CHN1: variants seen among roughly 807,000 people sequenced by gnomAD.
CHN1 encodes chimerin 1, also known as N-chimaerin.
A neutral mutation model predicts 59.5 loss-of-function variants in CHN1; 37 were observed. That is an observed-to-expected ratio of 0.62 (90% CI 0.48 to 0.82). The LOEUF is 0.82. Among genes scored for constraint, CHN1 ranks in the 40% least tolerant of loss-of-function variants. CHN1 has a pLI of 0.00. For missense variants in CHN1, 469 were observed against 571.0 expected (o/e 0.82, Z 1.82); for synonymous variants, 206 against 200.4 (o/e 1.03, Z -0.24).
intron 7 of CHN1, among the ~76,000 whole-genome samples, chr2:174,838,807 G>A (rs1686184526): frequency 6.6e-6 from 1 of 151,994 alleles, no homozygotes; most frequent in Non-Finnish European, 1.5e-5. Flanking sequence ...CTGAGGTCAG[G>A]AGTTCAAGAC....
At chr2:175,004,223 A>G (rs1281757691) in intron 1 of CHN1, among the ~76,000 whole-genome samples, 1 of 152,244 alleles carries the variant, frequency 6.6e-6, no homozygotes, top group African/African-American at 2.4e-5. Context: ...AACAGCTTGA[A>G]GTCTTAACCA....
At chr2:174,848,587 C>A (rs1686621443) in intron 6 of CHN1, among the ~76,000 whole-genome samples, 1 of 152,038 alleles carries the variant, frequency 6.6e-6, no homozygotes, top group Non-Finnish European at 1.5e-5. Context: ...AGTGTAAATA[C>A]TTTAATCTCA....
chr2:174,868,419 G>A (rs950326712), intron 6 of CHN1, among the ~76,000 whole-genome samples: 9 of 152,082 alleles, frequency 5.9e-5, no homozygotes, highest in Non-Finnish European at 1.3e-4. Context: ...TCTAAAGATA[G>A]GTCACAAGAA....
At chr2:174,846,600 A>C (rs1686523532) in intron 7 of CHN1, among the ~76,000 whole-genome samples, 2 of 152,236 alleles carry the variant, frequency 1.3e-5, no homozygotes, top group African/African-American at 4.8e-5. Context: ...CAAAATCATC[A>C]TTAACTGAGA....
At chr2:174,974,270 T>C (rs146604023) in intron 1 of CHN1, among the ~76,000 whole-genome samples, 4 of 152,310 alleles carry the variant, frequency 2.6e-5, no homozygotes, top group Admixed American at 1.3e-4. Context: ...GCAGACTGAG[T>C]GATTTATGTC....
chr2:174,995,672 C>T (rs1002291205), intron 1 of CHN1, among the ~76,000 whole-genome samples: 2 of 152,210 alleles, frequency 1.3e-5, no homozygotes, highest in African/African-American at 4.8e-5. Context: ...GTCTGCTGCT[C>T]ACCTGCTGTG....
At chr2:174,969,068 C>T (rs755638295) in intron 1 of CHN1, among the ~76,000 whole-genome samples, 30 of 152,234 alleles carry the variant, frequency 2.0e-4, no homozygotes, top group Non-Finnish European at 4.0e-4. Context: ...GTGAAATGTA[C>T]TACCTTTCTA....
At chr2:174,899,948 T>A (rs1055907733) in intron 5 of CHN1, among the ~76,000 whole-genome samples, 1 of 152,228 alleles carries the variant, frequency 6.6e-6, no homozygotes, top group Non-Finnish European at 1.5e-5. Flanking sequence ...TCAGTTTTTA[T>A]GTGTATATGT....
rs557037942 is a variant in CHN1, at chr2:174,899,526, T to G, written c.260+15532A>C. Among the ~76,000 whole-genome samples the G allele has an allele frequency of 2.0e-5, 3 of 152,292 alleles. No individual in the cohort carries two copies. In the South Asian group the frequency reaches 6.2e-4, roughly 32 times the overall value. ...GTATCACCAACAAGCTAAACATTGG[T>G]TTTAAATTTTTCAGTGGTTACCTTT... is the stretch of plus-strand genomic sequence containing the variant. On this transcript the variant is annotated intron_variant, in intron 5 of 12. Transcript: ENST00000409900.
In CHN1 at chr2:174,955,219, C is replaced by A. The variant is rs13014357; in HGVS notation, c.20-3017G>T. Among the ~76,000 whole-genome samples the A allele has an allele frequency of 5.7e-3, 235 of 41,114 alleles. 3 individuals carry two copies. The highest frequency in any genetic ancestry group is 0.051 in the East Asian group (121 of 2,394). The allele number at this position is 41,114 out of a possible 152,430, so 27.0% of individuals were successfully genotyped here. ...ATATATAATTGATATATATATATAT[C>A]TATATAGATATAGATATATAGAGAT... On this transcript the variant is annotated intron_variant, in intron 1 of 12. Coordinates refer to ENST00000409900, the MANE Select transcript of CHN1 (RefSeq NM_001822.7).
intron 3 of CHN1, 37 bp from the exon 4 acceptor site, chr2:174,918,602 A>T (rs1473688619): frequency 1.3e-6 from 2 of 1,537,164 alleles, no homozygotes; most frequent in Admixed American, 1.9e-5. Flanking sequence ...TATTTGTAAA[A>T]ATGCAAATGT....
Position 174,984,444 on chromosome 2 carries a change from T to C in CHN1, c.19+20450A>G, listed in dbSNP as rs575323213. ...AGTGCAGTGGCGCGATCCTGGCTCA[T>C]TGCAACCTCTGCCTCTCCGGTTGAA... On this transcript the variant is annotated intron_variant, in intron 1 of 12. Coordinates refer to ENST00000409900, the MANE Select transcript of CHN1 (RefSeq NM_001822.7). Among the ~76,000 whole-genome samples, 22 of 150,732 alleles carry C rather than the reference T, an allele frequency of 1.5e-4. No homozygotes were observed. In the South Asian group the frequency reaches 4.4e-3, roughly 30 times the overall value.
intron 1 of CHN1, among the ~76,000 whole-genome samples, chr2:174,963,562 A>G (rs1241080852): frequency 6.6e-6 from 1 of 152,228 alleles, no homozygotes; most frequent in Non-Finnish European, 1.5e-5. Context: ...AACAATGCAG[A>G]GTGGCTGAAA....
At chr2:174,920,962 A>G (rs528357887) in intron 3 of CHN1, 4 of 433,482 alleles carry the variant, frequency 9.2e-6, no homozygotes, top group Admixed American at 4.7e-5. Flanking sequence ...TTGGATTCTC[A>G]TAAGGGGCAT....
chr2:174,980,496 T>C (rs3771920), intron 1 of CHN1, among the ~76,000 whole-genome samples: 48,856 of 152,098 alleles, frequency 0.32, 9,002 homozygotes, highest in Admixed American at 0.45. Flanking sequence ...TTTAAAATTA[T>C]GATTTTAAAA....
At chr2:174,874,471 G>GA (rs958599424) in intron 6 of CHN1, among the ~76,000 whole-genome samples, 1 of 151,772 alleles carries the variant, frequency 6.6e-6, no homozygotes, top group Non-Finnish European at 1.5e-5. Flanking sequence ...CTATCACTTG[G>GA]AAAAAAAATA....
intron 7 of CHN1, among the ~76,000 whole-genome samples, chr2:174,830,402 G>T (rs958200687): frequency 6.6e-6 from 1 of 152,150 alleles, no homozygotes; most frequent in African/African-American, 2.4e-5. Context: ...TACTATAGGA[G>T]TATCTTTAGT....
intron 5 of CHN1, among the ~76,000 whole-genome samples, chr2:174,887,839 TTCTAAG>T (rs1395811178): frequency 6.6e-6 from 1 of 152,176 alleles, no homozygotes; most frequent in African/African-American, 2.4e-5. Context: ...CAGAAAAGCG[TTCTAAG>T]TCTGACAATT....
In CHN1 at chr2:174,884,193, G is replaced by A. The variant is rs186868341; in HGVS notation, c.261-6065C>T. Among the ~76,000 whole-genome samples, 416 of 151,870 alleles carry A rather than the reference G, an allele frequency of 2.7e-3. 1 individual carries two copies. The highest frequency in any genetic ancestry group is 9.0e-3 in the African/African-American group (374 of 41,404). ...TCACCATGTTAACCAGGATGGTCTC[G>A]ATCTCCTGACCTCGTGATCCACCCA... On this transcript the variant is annotated intron_variant, in intron 5 of 12. Coordinates refer to ENST00000409900, the MANE Select transcript of CHN1 (RefSeq NM_001822.7).
Sources: allele counts gnomAD v4.1 joint callset (sites outside exome capture counted in the v4.1 genomes callset), GRCh38; gene constraint gnomAD v4.1.1; transcripts MANE v1.5; gene names NCBI Gene and HGNC (gene_info 2026-07-23, HGNC 2026-07-21).